KLF3: variants seen among roughly 807,000 people sequenced by gnomAD.
KLF3 encodes Krueppel-like factor 3.
A neutral mutation model predicts 32.7 loss-of-function variants in KLF3; 6 were observed. The ratio of observed to expected loss-of-function variants is 0.18; its 90% CI spans 0.10 to 0.36. The LOEUF (loss-of-function observed/expected upper bound fraction) is 0.36. Ranked by LOEUF, KLF3 falls within the 10% of genes least tolerant of loss-of-function variation. The pLI is 1.00. For missense variants in KLF3, 338 were observed against 449.7 expected, an observed-to-expected ratio of 0.75 and a Z score of 2.25; for synonymous variants, 145 against 172.8, an observed-to-expected ratio of 0.84 and a Z score of 1.26.
intron 1 of KLF3, among the ~76,000 whole-genome samples, chr4:38,679,290 GC>G (rs1242308782): frequency 2.6e-5 from 4 of 152,024 alleles, no homozygotes; most frequent in Non-Finnish European, 4.4e-5. Flanking sequence ...GGTCAATAGA[GC>G]TGAAAAAAAA....
At chr4:38,679,227 G>T (rs1722445200) in intron 1 of KLF3, among the ~76,000 whole-genome samples, 1 of 152,150 alleles carries the variant, frequency 6.6e-6, no homozygotes, top group African/African-American at 2.4e-5. Flanking sequence ...AATAAGAAGT[G>T]GTGGAGGCTG....
intron 1 of KLF3, among the ~76,000 whole-genome samples, chr4:38,665,795 T>A (rs1267235422): frequency 6.6e-6 from 1 of 152,242 alleles, no homozygotes. Flanking sequence ...AGTTTTGTGC[T>A]ATCCTTTTCT....
At chr4:38,669,308 G>GA (rs1353453405) in intron 1 of KLF3, among the ~76,000 whole-genome samples, 1 of 152,086 alleles carries the variant, frequency 6.6e-6, no homozygotes, top group African/African-American at 2.4e-5. Flanking sequence ...TTCCTCTTGG[G>GA]AGTGAGTTGG....
At chr4:38,681,593 A>G (rs1433706132) in intron 2 of KLF3, among the ~76,000 whole-genome samples, 3 of 152,234 alleles carry the variant, frequency 2.0e-5, no homozygotes, top group African/African-American at 4.8e-5. Flanking sequence ...CACCAGTGCC[A>G]TGAAGGTGAG....
At chr4:38,677,335 C>CA (rs910284057) in intron 1 of KLF3, among the ~76,000 whole-genome samples, 19 of 151,910 alleles carry the variant, frequency 1.3e-4, no homozygotes, top group Non-Finnish European at 2.2e-4. Context: ...TTAGATAAAA[C>CA]AAAAAATTAA....
At chr4:38,684,936 T>C (rs192857033) in intron 2 of KLF3, among the ~76,000 whole-genome samples, 35 of 152,298 alleles carry the variant, frequency 2.3e-4, no homozygotes, top group African/African-American at 7.9e-4. Context: ...GTGTCTTGTC[T>C]TTGGACTGCT....
At chr4:38,669,933 T>C (rs914626591) in intron 1 of KLF3, among the ~76,000 whole-genome samples, 1 of 64,460 alleles carries the variant, frequency 1.6e-5, no homozygotes, top group Non-Finnish European at 3.0e-5. Context: ...AGATGTCCTC[T>C]TAACTGGCCT....
intron 1 of KLF3, among the ~76,000 whole-genome samples, chr4:38,675,754 A>G (rs1054356346): frequency 5.3e-5 from 8 of 152,120 alleles, no homozygotes; most frequent in South Asian, 2.1e-4. Context: ...TCAGTACTGT[A>G]TGATAGATTT....
At chr4:38,689,546 G>A (rs1026972900) in intron 3 of KLF3, among the ~76,000 whole-genome samples, 183 bp from the exon 4 acceptor site, 17 of 152,156 alleles carry the variant, frequency 1.1e-4, no homozygotes, top group African/African-American at 3.9e-4. Context: ...TATATTTGCT[G>A]CTTACTGGCA....
intron 4 of KLF3, among the ~76,000 whole-genome samples, chr4:38,693,835 C>A (rs1722960319): frequency 6.6e-6 from 1 of 152,212 alleles, no homozygotes; most frequent in African/African-American, 2.4e-5. Flanking sequence ...TTTCCCAGCT[C>A]TTCCTCCATC....
At chr4:38,678,691 A>G (rs929787195) in intron 1 of KLF3, among the ~76,000 whole-genome samples, 1 of 152,192 alleles carries the variant, frequency 6.6e-6, no homozygotes, top group African/African-American at 2.4e-5. Context: ...CACCAACACA[A>G]CAAATTATAG....
chr4:38,672,142 GC>G (rs1486651465), intron 1 of KLF3, among the ~76,000 whole-genome samples: 1 of 152,172 alleles, frequency 6.6e-6, no homozygotes, highest in African/African-American at 2.4e-5. Context: ...TTAGAGTTAG[GC>G]CCTTCATCCC....
At position 38,689,607 on chromosome 4, in the gene KLF3, A is replaced by T. The variant is rs1052980641; in HGVS notation, c.545-122A>T. ...TCTCCCACAGATTTGTTCCTGCTAT[A>T]GTCTGCCAAAGGCAAATAAACCTGT... is the stretch of plus-strand genomic sequence containing the variant. On this transcript the variant is annotated intron_variant, in intron 3 of 5. Coordinates refer to ENST00000261438, the MANE Select transcript of KLF3 (RefSeq NM_016531.6). The T allele has an allele frequency of 1.3e-5, 9 of 682,636 alleles. No homozygotes were observed. In the South Asian group the frequency reaches 1.7e-4, roughly 13 times the overall value. 42.3% of individuals were successfully genotyped at this position (682,636 alleles called of 1,614,324 possible).
intron 1 of KLF3, among the ~76,000 whole-genome samples, chr4:38,666,387 T>TC (rs1361573096): frequency 3.9e-5 from 6 of 151,982 alleles, no homozygotes; most frequent in Middle Eastern, 3.4e-3. Flanking sequence ...CCTTTTTTTT[T>TC]CTTTTTTTTT....
chr4:38,671,626 C>G lies in KLF3; in HGVS notation c.-40+7165C>G, dbSNP rs140792098. 6.6e-6 allele frequency among the ~76,000 whole-genome samples: 1 copy of G among 152,144 alleles called. No homozygotes were observed. The highest frequency in any genetic ancestry group is 1.5e-5 in the Non-Finnish European group (1 of 68,022). ...TGGAAGAGTGGTGTGCCAAGGCCAC[C>G]AGTCTTAAGTCAGACTACCTTGGGT... is the stretch of plus-strand genomic sequence containing the variant. On this transcript the variant is annotated intron_variant, in intron 1 of 5. Transcript: ENST00000261438. This position sits in a 1 kb window ranked among gnomAD's most constrained non-coding sequence, Gnocchi z 4.4.
intron 3 of KLF3, among the ~76,000 whole-genome samples, chr4:38,689,352 T>TACC (rs751573467): frequency 1.2e-4 from 18 of 152,374 alleles, no homozygotes; most frequent in Non-Finnish European, 1.6e-4. Flanking sequence ...CTTTCTTGAA[T>TACC]ACCAACATGG....
At chr4:38,686,319 G>C (rs1722695276) in intron 2 of KLF3, among the ~76,000 whole-genome samples, 1 of 151,514 alleles carries the variant, frequency 6.6e-6, no homozygotes, top group African/African-American at 2.4e-5. Context: ...GGTGTCATGT[G>C]CCTGTAGTTC....
rs145496179 is a variant in KLF3 at position 38,671,789 on chromosome 4, A to G, written c.-40+7328A>G. Among the ~76,000 whole-genome samples, 5 of 152,312 alleles carry G rather than the reference A, an allele frequency of 3.3e-5. No individual in the cohort carries two copies. Among genetic ancestry groups the G allele is most frequent in the Admixed American group, 6.5e-5 (1 of 15,302 alleles). The stretch of plus-strand genomic sequence containing the variant: ...ATTAAACAGCGCCTGGGGATTGCCA[A>G]TCACGAAGGTGGTGGTGATTGGCAG... On this transcript the variant is annotated intron_variant, in intron 1 of 5. Transcript: ENST00000261438. This position sits in a 1 kb window ranked among gnomAD's most constrained non-coding sequence, Gnocchi z 4.4.
chr4:38,677,913 G>GTGTA (rs1466836957), intron 1 of KLF3, among the ~76,000 whole-genome samples: 1 of 146,426 alleles, frequency 6.8e-6, no homozygotes, highest in African/African-American at 2.5e-5. Context: ...GTGTGTGTGT[G>GTGTA]TGTTTTAATC....
Sources: allele counts gnomAD v4.1 joint callset (sites outside exome capture counted in the v4.1 genomes callset), GRCh38; gene constraint gnomAD v4.1.1; non-coding constraint Gnocchi (gnomAD v3.1); transcripts MANE v1.5; gene names NCBI Gene and HGNC (gene_info 2026-07-23, HGNC 2026-07-21).